The following ASB3 variants were observed in gnomAD, a reference collection of about 807,000 sequenced individuals.
The protein encoded by ASB3 is ankyrin repeat and SOCS box containing 3, also known as ankyrin repeat and SOCS box protein 3.
Under a neutral mutation model 54.5 loss-of-function variants are expected in ASB3, and 41 were observed. That is an observed-to-expected ratio of 0.75 (90% CI 0.59 to 0.98). The LOEUF is 0.98. Among genes scored for constraint, ASB3 ranks in the 50% least tolerant of loss-of-function variants. The pLI, the probability that ASB3 is intolerant of heterozygous loss-of-function variation, is 0.00. For missense variants in ASB3, 733 were observed against 620.0 expected, an observed-to-expected ratio of 1.18 and a Z score of -1.94; for synonymous variants, 266 against 221.2, an observed-to-expected ratio of 1.20 and a Z score of -1.80.
In ASB3 at chr2:53,700,359, C is replaced by T; in HGVS notation, c.1150G>A (p.Ala384Thr). Residue 384 changes from alanine (A) to threonine (T), a missense_variant, in exon 8 of 10, where the codon GCA becomes ACA. Coordinates refer to ENST00000263634, the MANE Select transcript of ASB3 (RefSeq NM_016115.5). ...TTATATTTTGCTTGTGCTTTAATTGCATGATTTACAAATTCATATATATGG... is the reference window on the plus strand; with the variant it reads ...TTATATTTTGCTTGTGCTTTAATTGTATGATTTACAAATTCATATATATGG... ...WNHIYEFVNH[A>T]IKAQAKYKEW... 1 of 1,614,064 alleles carries T rather than the reference C, an allele frequency of 6.2e-7. No individual in the cohort carries two copies. The highest frequency in any genetic ancestry group is 8.5e-7 in the Non-Finnish European group (1 of 1,180,004).
intron 5 of ASB3, among the ~76,000 whole-genome samples, chr2:53,719,638 C>T (rs1670590217): frequency 6.6e-6 from 1 of 151,998 alleles, no homozygotes; most frequent in Non-Finnish European, 1.5e-5. Flanking sequence ...CTCCCCCACA[C>T]ATAAACACTC....
intron 2 of ASB3, among the ~76,000 whole-genome samples, chr2:53,764,233 T>C (rs1048501431): frequency 6.6e-6 from 1 of 152,110 alleles, no homozygotes; most frequent in Non-Finnish European, 1.5e-5. Flanking sequence ...TGAAATGAAA[T>C]TGGTTCTGAG....
At chr2:53,768,780 T>TA (rs1400898535) in intron 1 of ASB3, among the ~76,000 whole-genome samples, 1 of 152,198 alleles carries the variant, frequency 6.6e-6, no homozygotes, top group Non-Finnish European at 1.5e-5. Context: ...AATCTCAATA[T>TA]ATGTATAGAG....
chr2:53,749,113 CAT>C (rs1672383724), intron 3 of ASB3, among the ~76,000 whole-genome samples: 1 of 151,870 alleles, frequency 6.6e-6, no homozygotes, highest in Admixed American at 6.6e-5. Context: ...TGACTACTTC[CAT>C]AAGTCTGAAA....
intron 1 of ASB3, among the ~76,000 whole-genome samples, chr2:53,768,779 A>G (rs148665072): frequency 9.1e-4 from 138 of 152,368 alleles, no homozygotes; most frequent in African/African-American, 3.0e-3. Context: ...TAATCTCAAT[A>G]TATGTATAGA....
intron 3 of ASB3, among the ~76,000 whole-genome samples, chr2:53,738,701 G>C (rs536320743): frequency 6.6e-6 from 1 of 152,270 alleles, no homozygotes; most frequent in East Asian, 1.9e-4. Context: ...TGCAGGTCTT[G>C]GAGTAAGTGT....
rs558958473 is a variant in ASB3, at chr2:53,679,841, A to G, written c.1370-9151T>C. On this transcript the variant is annotated intron_variant, in intron 9 of 9. Coordinates refer to ENST00000263634, the MANE Select transcript of ASB3 (RefSeq NM_016115.5). The stretch of plus-strand genomic sequence containing the variant: ...GGCTTGTTGTACAGATTATTTTGTC[A>G]CCCAGGTATTAAGCCTAGTACTCAT... Among the ~76,000 whole-genome samples, 4 of 152,214 alleles carry G rather than the reference A, an allele frequency of 2.6e-5. No homozygotes were observed. The South Asian group carries it at 8.3e-4, about 32-fold the overall frequency.
chr2:53,679,593 G>A (rs141239099), intron 9 of ASB3, among the ~76,000 whole-genome samples: 46 of 152,164 alleles, frequency 3.0e-4, no homozygotes, highest in Admixed American at 8.5e-4. Context: ...CTTTGATGTC[G>A]TTTTATAAAC....
intron 3 of ASB3, among the ~76,000 whole-genome samples, chr2:53,733,831 C>G (rs1424209452): frequency 6.6e-6 from 1 of 152,134 alleles, no homozygotes; most frequent in Non-Finnish European, 1.5e-5. Context: ...GCCTTTGGAG[C>G]TGAAAGCCTT....
chr2:53,714,314 A>C, intron 7 of ASB3, 70 bp downstream of exon 7: 1 of 1,545,482 alleles, frequency 6.5e-7, no homozygotes, highest in Non-Finnish European at 8.7e-7. Context: ...TCGTGAAAGA[A>C]AGTCACTTCA....
intron 7 of ASB3, among the ~76,000 whole-genome samples, chr2:53,706,275 T>C (rs902517471): frequency 3.9e-5 from 6 of 152,186 alleles, no homozygotes; most frequent in African/African-American, 1.4e-4. Context: ...ATAATAAATA[T>C]GCTAATCTGA....
intron 9 of ASB3, among the ~76,000 whole-genome samples, chr2:53,683,417 T>C (rs921661144): frequency 6.6e-6 from 1 of 151,348 alleles, no homozygotes; most frequent in African/African-American, 2.4e-5. Flanking sequence ...CCTGTAGTGT[T>C]TTTTTTTTGG....
intron 1 of ASB3, among the ~76,000 whole-genome samples, chr2:53,777,443 C>A (rs1312893264): frequency 2.0e-5 from 3 of 152,210 alleles, no homozygotes; most frequent in Non-Finnish European, 4.4e-5. Context: ...ACAACTCTTA[C>A]ACTATTCTTT....
At chr2:53,747,342 T>A (rs1037325916) in intron 3 of ASB3, among the ~76,000 whole-genome samples, 2 of 152,106 alleles carry the variant, frequency 1.3e-5, no homozygotes, top group African/African-American at 4.8e-5. Context: ...GGTCAGGAGT[T>A]CCAGATTAGC....
intron 1 of ASB3, among the ~76,000 whole-genome samples, chr2:53,783,402 T>C (rs920842393): frequency 6.6e-6 from 1 of 151,872 alleles, no homozygotes; most frequent in Non-Finnish European, 1.5e-5. Context: ...TAAATGTATT[T>C]GGAAGAACCT....
intron 2 of ASB3, among the ~76,000 whole-genome samples, chr2:53,764,558 C>G (rs1673328519): frequency 6.6e-6 from 1 of 152,196 alleles, no homozygotes; most frequent in African/African-American, 2.4e-5. Context: ...TTGTTTTCTT[C>G]CTACCCCCTC....
At position 53,768,005 on chromosome 2, in the gene ASB3, G is replaced by A. The variant is rs762622289; in HGVS notation, c.-13-2420C>T. The A allele has an allele frequency of 2.9e-5, 46 of 1,613,454 alleles. No homozygotes were observed. Among genetic ancestry groups the A allele is most frequent in the Middle Eastern group, 1.6e-4 (1 of 6,080 alleles). On this transcript the variant is annotated intron_variant, in intron 1 of 9. Coordinates refer to ENST00000263634, the MANE Select transcript of ASB3 (RefSeq NM_016115.5). Reference sequence around the variant, plus strand: ...TTCTGGCAGGGCAGCACGGACCACCGCGGGGTCCCCGGCAAGGTGAGGCGC... The same window carrying A: ...TTCTGGCAGGGCAGCACGGACCACCACGGGGTCCCCGGCAAGGTGAGGCGC...
At chr2:53,745,214 G>A (rs1672159320) in intron 3 of ASB3, among the ~76,000 whole-genome samples, 1 of 152,088 alleles carries the variant, frequency 6.6e-6, no homozygotes. Context: ...ATGTGTATAT[G>A]GAGCAAGGGG....
At chr2:53,696,610 A>G (rs1383023588) in intron 8 of ASB3, among the ~76,000 whole-genome samples, 1 of 152,170 alleles carries the variant, frequency 6.6e-6, no homozygotes, top group Non-Finnish European at 1.5e-5. Flanking sequence ...AGGTTAGGCA[A>G]GGGATTAAGG....
Sources: allele counts gnomAD v4.1 joint callset (sites outside exome capture counted in the v4.1 genomes callset), GRCh38; gene constraint gnomAD v4.1.1; transcripts MANE v1.5; gene names NCBI Gene and HGNC (gene_info 2026-07-23, HGNC 2026-07-21).